CEP85L: variants seen among roughly 807,000 people sequenced by gnomAD.
The protein encoded by CEP85L is centrosomal protein 85L.
Under a neutral mutation model 100.3 loss-of-function variants are expected in CEP85L, and 60 were observed. That is an observed-to-expected ratio of 0.60 (90% CI 0.49 to 0.74). CEP85L has a LOEUF of 0.74. Among genes scored for constraint, CEP85L ranks in the 30% least tolerant of loss-of-function variants. CEP85L has a pLI of 0.00. For synonymous variants in CEP85L, 319 were observed against 322.7 expected, an observed-to-expected ratio of 0.99 and a Z score of 0.12; for missense variants, 973 against 936.2, an observed-to-expected ratio of 1.04 and a Z score of -0.51.
chr6:118,484,469 C>A (rs1345055049), intron 6 of CEP85L, among the ~76,000 whole-genome samples: 1 of 152,186 alleles, frequency 6.6e-6, no homozygotes, highest in Non-Finnish European at 1.5e-5. Context: ...ATTGCCTGCA[C>A]ATGTGCAAAT....
At chr6:118,562,929 C>T (rs12197337) in intron 3 of CEP85L, among the ~76,000 whole-genome samples, 70,534 of 151,908 alleles carry the variant, frequency 0.46, 16,885 homozygotes, top group Middle Eastern at 0.57. Context: ...AAGTGTTTAT[C>T]CTCCATCCCT....
At chr6:118,465,762 A>T (rs1415519894) in intron 12 of CEP85L, among the ~76,000 whole-genome samples, 194 bp from the exon 13 acceptor site, 4 of 152,172 alleles carry the variant, frequency 2.6e-5, no homozygotes, top group African/African-American at 4.8e-5. Flanking sequence ...TATAAATTTC[A>T]CAAATTAAAC....
At chr6:118,532,045 C>T (rs892248686) in intron 3 of CEP85L, among the ~76,000 whole-genome samples, 1 of 152,086 alleles carries the variant, frequency 6.6e-6, no homozygotes, top group African/African-American at 2.4e-5. Flanking sequence ...GAGACACATG[C>T]ACAACATGTT....
chr6:118,519,034 T>C (rs1207827625), intron 4 of CEP85L, among the ~76,000 whole-genome samples: 1 of 152,186 alleles, frequency 6.6e-6, no homozygotes, highest in Non-Finnish European at 1.5e-5. Context: ...CATGCAGTCG[T>C]GTGGTTTTGA....
chr6:118,514,549 C>T (rs925638928), intron 4 of CEP85L, among the ~76,000 whole-genome samples: 1 of 130,260 alleles, frequency 7.7e-6, no homozygotes, highest in Non-Finnish European at 1.7e-5. Context: ...AAAAAGAAAA[C>T]AAATACCAAT....
At chr6:118,550,156 C>A (rs1375782150) in intron 3 of CEP85L, among the ~76,000 whole-genome samples, 2 of 151,754 alleles carry the variant, frequency 1.3e-5, no homozygotes, top group Non-Finnish European at 3.0e-5. Flanking sequence ...TACTAAAAGG[C>A]GTGACAGCAC....
At chr6:118,466,219 A>G (rs556591325) in intron 12 of CEP85L, among the ~76,000 whole-genome samples, 62 of 152,292 alleles carry the variant, frequency 4.1e-4, no homozygotes, top group African/African-American at 1.4e-3. Flanking sequence ...CTTTGTAAGC[A>G]TATCTCAACA....
chr6:118,491,892 A>G (rs748531181), intron 5 of CEP85L, 27 bp from the exon 6 acceptor site: 1 of 1,540,300 alleles, frequency 6.5e-7, no homozygotes, highest in South Asian at 1.2e-5. Context: ...AAAGGAGGTA[A>G]GACTTTAAAA....
At chr6:118,591,618 G>A (rs903210307) in intron 2 of CEP85L, among the ~76,000 whole-genome samples, 7 of 152,048 alleles carry the variant, frequency 4.6e-5, no homozygotes, top group South Asian at 2.1e-4. Flanking sequence ...GGGTGTACAC[G>A]AAGTAACAAA....
chr6:118,469,247 G>A lies in CEP85L; in HGVS notation c.2079C>T (p.Asp693=). 6.2e-7 allele frequency: 1 copy of A among 1,614,000 alleles called. No individual in the cohort carries two copies. Among genetic ancestry groups the A allele is most frequent in the Non-Finnish European group, 8.5e-7 (1 of 1,179,936 alleles). The part of the protein sequence containing the change: ...CSLLDQGQEP[D]QSRQQTVLSK... ...AAAGAACTGTCTGCTGCCTAGATTG[G>A]TCAGGTTCCTGGCCCTGATCCAATA... Residue 693 remains aspartate (D), a synonymous_variant, in exon 12 of 13, where the codon GAC becomes GAT. Transcript: ENST00000368491.
Position 118,511,435 on chromosome 6 carries a change from G to A in CEP85L, c.1140-20C>T, listed in dbSNP as rs780842168. On this transcript the variant is annotated intron_variant, in intron 4 of 12. Coordinates refer to ENST00000368491, the MANE Select transcript of CEP85L (RefSeq NM_001042475.3). The stretch of plus-strand genomic sequence containing the variant: ...TTCTGCCTGCAAAACATAAATTAAG[G>A]TCACATTATGAGTTATAATTTTCTA... The A allele has an allele frequency of 2.1e-5, 31 of 1,463,542 alleles. No individual in the cohort carries two copies. Among genetic ancestry groups the A allele is most frequent in the African/African-American group, 2.8e-5 (2 of 71,858 alleles). 90.7% of individuals were successfully genotyped at this position (1,463,542 alleles called of 1,614,324 possible).
intron 3 of CEP85L, among the ~76,000 whole-genome samples, chr6:118,543,980 AT>A (rs1183640315): frequency 1.3e-5 from 2 of 152,204 alleles, no homozygotes; most frequent in Non-Finnish European, 2.9e-5. Context: ...CACAATCTGC[AT>A]TTGGTTTCTA....
intron 2 of CEP85L, among the ~76,000 whole-genome samples, chr6:118,587,871 A>C (rs575201267): frequency 6.6e-6 from 1 of 152,304 alleles, no homozygotes; most frequent in South Asian, 2.1e-4. Flanking sequence ...GGATGCCTCT[A>C]TTATATGTAA....
At chr6:118,676,888 C>T (rs945569927) in intron 1 of CEP85L, among the ~76,000 whole-genome samples, 7 of 152,202 alleles carry the variant, frequency 4.6e-5, no homozygotes, top group East Asian at 1.9e-4. Flanking sequence ...CCATTCTAAC[C>T]GGTGTAAGAC....
At chr6:118,552,598 A>C (rs1236317141) in intron 3 of CEP85L, among the ~76,000 whole-genome samples, 2 of 151,992 alleles carry the variant, frequency 1.3e-5, no homozygotes, top group African/African-American at 4.8e-5. Context: ...AGAGTTGCCT[A>C]ATGGCTTTTC....
At chr6:118,618,213 G>T (rs1236791536) in intron 2 of CEP85L, among the ~76,000 whole-genome samples, 4 of 152,142 alleles carry the variant, frequency 2.6e-5, no homozygotes. Flanking sequence ...TGACTCCTGC[G>T]TCCTGGGTTC....
At chr6:118,702,587 G>T (rs1160439843) in intron 1 of CEP85L, among the ~76,000 whole-genome samples, 1 of 152,192 alleles carries the variant, frequency 6.6e-6, no homozygotes, top group African/African-American at 2.4e-5. Flanking sequence ...AAAGTAGTGT[G>T]TGCATTTCTT....
At chr6:118,556,307 A>G (rs9489438) in intron 3 of CEP85L, among the ~76,000 whole-genome samples, 107,889 of 152,076 alleles carry the variant, frequency 0.71, 39,001 homozygotes, top group African/African-American at 0.75. Flanking sequence ...AAATACAGGT[A>G]GTTAATAACT....
chr6:118,663,640 A>G (rs1032591108), intron 1 of CEP85L, among the ~76,000 whole-genome samples: 2 of 152,206 alleles, frequency 1.3e-5, no homozygotes, highest in African/African-American at 4.8e-5. Context: ...CAGATTTTTG[A>G]TATAGATTTG....
Sources: allele counts gnomAD v4.1 joint callset (sites outside exome capture counted in the v4.1 genomes callset), GRCh38; gene constraint gnomAD v4.1.1; transcripts MANE v1.5; gene names NCBI Gene and HGNC (gene_info 2026-07-23, HGNC 2026-07-21).